The following MYCBP2 variants were observed in gnomAD, a reference collection of about 807,000 sequenced individuals.
MYCBP2 encodes the protein MYC binding protein 2, also known as E3 ubiquitin-protein ligase MYCBP2.
Under a neutral mutation model 525.3 loss-of-function variants are expected in MYCBP2, and 120 were observed. That is an observed-to-expected ratio of 0.23 (90% CI 0.20 to 0.27). The LOEUF is 0.27. Among genes scored for constraint, MYCBP2 ranks in the 10% least tolerant of loss-of-function variants. MYCBP2 has a pLI of 1.00. For missense variants in MYCBP2, 4,149 were observed against 5,657.1 expected, an observed-to-expected ratio of 0.73 and a Z score of 8.55; for synonymous variants, 1,894 against 1,955.8, an observed-to-expected ratio of 0.97 and a Z score of 0.83.
intron 43 of MYCBP2, among the ~76,000 whole-genome samples, chr13:77,164,077 C>A (rs990780760): frequency 7.9e-5 from 12 of 152,156 alleles, no homozygotes; most frequent in Non-Finnish European, 1.3e-4. Context: ...TTTCTATCGA[C>A]CTGTTCTCTG....
At chr13:77,140,184 C>A in intron 50 of MYCBP2, 21 bp from the exon 51 acceptor site, 1 of 1,485,156 alleles carries the variant, frequency 6.7e-7, no homozygotes, top group Non-Finnish European at 9.3e-7. Flanking sequence ...CAAAGATAAA[C>A]AGTGAGGTAG....
At chr13:77,071,169 C>T (rs1347483121) in intron 68 of MYCBP2, among the ~76,000 whole-genome samples, 1 of 151,830 alleles carries the variant, frequency 6.6e-6, no homozygotes, top group Non-Finnish European at 1.5e-5. Flanking sequence ...AATATAAAGG[C>T]TAAAATTTTA....
intron 20 of MYCBP2, 33 bp downstream of exon 20, chr13:77,224,418 C>A: frequency 7.4e-7 from 1 of 1,342,736 alleles, no homozygotes; most frequent in Admixed American, 1.8e-5. Flanking sequence ...GAAAAAATAA[C>A]TCTGGATCTT....
chr13:77,173,057 C>T (rs1353680136), intron 37 of MYCBP2, among the ~76,000 whole-genome samples: 4 of 152,178 alleles, frequency 2.6e-5, no homozygotes, highest in Non-Finnish European at 5.9e-5. Context: ...CCACTAGTGT[C>T]ATCCAAATGA....
At chr13:77,218,800 C>T (rs2065156938) in intron 20 of MYCBP2, among the ~76,000 whole-genome samples, 1 of 152,152 alleles carries the variant, frequency 6.6e-6, no homozygotes, top group Non-Finnish European at 1.5e-5. Context: ...AGAAACACAA[C>T]CATTATAGAA....
intron 26 of MYCBP2, among the ~76,000 whole-genome samples, chr13:77,196,193 G>A (rs1472909505): frequency 6.6e-6 from 1 of 152,198 alleles, no homozygotes; most frequent in East Asian, 1.9e-4. Flanking sequence ...ATTTGACTGT[G>A]CCTGGAATGT....
At chr13:77,139,359 C>T (rs772285509) in intron 51 of MYCBP2, 23 bp from the exon 52 acceptor site, 5 of 1,602,688 alleles carry the variant, frequency 3.1e-6, no homozygotes, top group Non-Finnish European at 3.4e-6. Context: ...GCAACAGAAA[C>T]AAGCCAGGCC....
At chr13:77,285,632 C>G (rs2076645860) in intron 3 of MYCBP2, among the ~76,000 whole-genome samples, 1 of 151,934 alleles carries the variant, frequency 6.6e-6, no homozygotes, top group Non-Finnish European at 1.5e-5. Flanking sequence ...AATAAAAATA[C>G]AAAATTAGCC....
At chr13:77,299,835 C>T (rs903003637) in intron 1 of MYCBP2, among the ~76,000 whole-genome samples, 4 of 152,102 alleles carry the variant, frequency 2.6e-5, no homozygotes, top group Middle Eastern at 3.4e-3. Flanking sequence ...TTGTGGTTGA[C>T]AATAAAAGGA....
At chr13:77,225,641 A>G (rs1300341471) in intron 18 of MYCBP2, 87 bp from the exon 19 acceptor site, 5 of 1,510,108 alleles carry the variant, frequency 3.3e-6, no homozygotes, top group South Asian at 1.2e-5. Context: ...TGGAAGAACA[A>G]GAGAAAAATG....
Position 77,245,081 on chromosome 13 carries a change from T to C in MYCBP2, c.2382-1130A>G, listed in dbSNP as rs531654076. On this transcript the variant is annotated intron_variant, in intron 15 of 82. Transcript: ENST00000544440. ...AAACATGTCACGCCAGTTACAATGG[T>C]GATCATTAAAAAGTCAGGACACAAC... Among the ~76,000 whole-genome samples, 17 of 152,258 alleles carry C rather than the reference T, an allele frequency of 1.1e-4. No individual in the cohort carries two copies. In the East Asian group the frequency reaches 2.5e-3, roughly 22 times the overall value.
chr13:77,317,652 G>A (rs1231682155), intron 1 of MYCBP2, among the ~76,000 whole-genome samples: 1 of 152,102 alleles, frequency 6.6e-6, no homozygotes, highest in Non-Finnish European at 1.5e-5. Flanking sequence ...ATAAAAGTGG[G>A]TCCCGGCCGG....
In MYCBP2 at chr13:77,186,061, T is replaced by A. The variant is rs2060683664; in HGVS notation, c.4254A>T (p.Glu1418Asp). The change falls in exon 31 of 83, where the codon GAA becomes GAT. Residue 1418 changes from glutamate (E) to aspartate (D), a missense_variant and splice_region_variant. Glu to Asp is a conservative substitution (Grantham distance 45). Transcript: ENST00000544440. ...GAATACTCAACAATGACTCAAAACATTCCTAATCCAGAATATGAAAAAACA... is the reference window on the plus strand; with the variant it reads ...GAATACTCAACAATGACTCAAAACAATCCTAATCCAGAATATGAAAAAACA... Reference protein sequence around the residue: ...KRSFARTVSVECFESLLSILH... With the variant: ...KRSFARTVSVDCFESLLSILH... 1.3e-6 allele frequency: 2 copies of A among 1,554,184 alleles called. No individual in the cohort carries two copies. The highest frequency in any genetic ancestry group is 2.5e-5 in the South Asian group (2 of 80,858).
intron 4 of MYCBP2, among the ~76,000 whole-genome samples, chr13:77,274,013 G>C (rs768713199): frequency 3.3e-5 from 5 of 152,090 alleles, no homozygotes; most frequent in Non-Finnish European, 5.9e-5. Context: ...AGATTAGGAG[G>C]CTTCTTAAAA....
chr13:77,169,533 T>C (rs186203172), intron 39 of MYCBP2, 81 bp downstream of exon 39: 1 of 1,262,100 alleles, frequency 7.9e-7, no homozygotes, highest in East Asian at 2.5e-5. Flanking sequence ...ATGCAAGTTT[T>C]TGTAAAGACA....
intron 18 of MYCBP2, among the ~76,000 whole-genome samples, chr13:77,228,065 A>G (rs918968204): frequency 6.6e-6 from 1 of 151,942 alleles, no homozygotes; most frequent in Non-Finnish European, 1.5e-5. Context: ...TTATATATAT[A>G]TCTGTATATG....
Position 77,081,232 on chromosome 13 carries a change from G to T in MYCBP2, c.11418+195C>A. The T allele has an allele frequency of 3.5e-6, 2 of 565,582 alleles. 1 individual carries two copies. Among genetic ancestry groups the T allele is most frequent in the South Asian group, 5.1e-5 (2 of 39,558 alleles). The allele number at this position is 565,582 out of a possible 1,614,324, so 35.0% of individuals were successfully genotyped here. ...ATATTTGTAATCAGACCTCTTTTCA[G>T]AAATGGAATTCCACAGTGCTCCCAA... On this transcript the variant is annotated intron_variant, in intron 65 of 82. Transcript: ENST00000544440. The surrounding 1 kb of genome is among the most constrained non-coding windows in gnomAD (Gnocchi z 4.6).
chr13:77,118,454 G>A, intron 55 of MYCBP2: 1 of 765,020 alleles, frequency 1.3e-6, no homozygotes, highest in South Asian at 1.3e-5. Context: ...GGGAGATTGG[G>A]TCGTGACTGA....
intron 1 of MYCBP2, among the ~76,000 whole-genome samples, chr13:77,305,241 G>A (rs7322722): frequency 0.16 from 24,875 of 151,960 alleles, 2,334 homozygotes; most frequent in South Asian, 0.4. Flanking sequence ...TATCTCCTAT[G>A]AACATAGAAG....
Sources: allele counts gnomAD v4.1 joint callset (sites outside exome capture counted in the v4.1 genomes callset), GRCh38; gene constraint gnomAD v4.1.1; non-coding constraint Gnocchi (gnomAD v3.1); transcripts MANE v1.5; gene names NCBI Gene and HGNC (gene_info 2026-07-23, HGNC 2026-07-21).